OXR1: variants seen among roughly 807,000 people sequenced by gnomAD.
The protein encoded by OXR1 is oxidation resistance 1, also known as oxidation resistance protein 1.
Under a neutral mutation model 104.6 loss-of-function variants are expected in OXR1, and 41 were observed. The ratio of observed to expected loss-of-function variants is 0.39; its 90% CI spans 0.31 to 0.51. The LOEUF is 0.51. Among genes scored for constraint, OXR1 ranks in the 20% least tolerant of loss-of-function variants. The pLI, the probability that OXR1 is intolerant of heterozygous loss-of-function variation, is 0.77. For synonymous variants in OXR1, 348 were observed against 348.4 expected (o/e 1.00, Z 0.01); for missense variants, 955 against 1,031.9 (o/e 0.93, Z 1.02).
chr8:106,338,842 T>TTC (rs940086730), intron 1 of OXR1, among the ~76,000 whole-genome samples: 3 of 151,704 alleles, frequency 2.0e-5, no homozygotes, highest in East Asian at 1.9e-4. Flanking sequence ...TACCAAGAAT[T>TTC]TCTCTCTCTC....
At chr8:106,349,693 A>G (rs1042269109) in intron 1 of OXR1, among the ~76,000 whole-genome samples, 6 of 152,192 alleles carry the variant, frequency 3.9e-5, no homozygotes, top group Non-Finnish European at 8.8e-5. Context: ...AGAACAGTGA[A>G]AATTGGAGAG....
chr8:106,468,202 A>G (rs921320531), intron 2 of OXR1, among the ~76,000 whole-genome samples: 1 of 151,866 alleles, frequency 6.6e-6, no homozygotes, highest in African/African-American at 2.4e-5. Context: ...CAAGGTCTTC[A>G]CCCTCAAGGA....
rs560696277 is a variant in OXR1, at chr8:106,466,994, A to G, written c.24-51949A>G. On this transcript the variant is annotated intron_variant, in intron 2 of 16. Coordinates refer to ENST00000517566, the MANE Select transcript of OXR1 (RefSeq NM_001198533.2). Reference sequence around the variant, plus strand: ...TTTCATATTTGCATCTTTATTCCACAACACTATAAACTAAGGAGTATCCTT... The same window carrying G: ...TTTCATATTTGCATCTTTATTCCACGACACTATAAACTAAGGAGTATCCTT... 5.9e-5 allele frequency among the ~76,000 whole-genome samples: 9 copies of G among 152,054 alleles called. No homozygotes were observed. The East Asian group carries it at 1.6e-3, about 26-fold the overall frequency.
intron 1 of OXR1, among the ~76,000 whole-genome samples, chr8:106,291,625 A>G (rs1457154297): frequency 6.6e-6 from 1 of 152,186 alleles, no homozygotes; most frequent in East Asian, 1.9e-4. Flanking sequence ...CATAAATTTC[A>G]TTAGTTTCAA....
At chr8:106,658,310 G>C in intron 3 of OXR1, 1 of 1,142,126 alleles carries the variant, frequency 8.8e-7, no homozygotes, top group Non-Finnish European at 1.1e-6. Flanking sequence ...GGCCGGGGCG[G>C]GCAACGTGGC....
At chr8:106,460,536 G>T (rs553909102) in intron 2 of OXR1, among the ~76,000 whole-genome samples, 2 of 152,274 alleles carry the variant, frequency 1.3e-5, no homozygotes, top group East Asian at 1.9e-4. Flanking sequence ...CAGCTCTAAT[G>T]GTGGCTAGGG....
intron 3 of OXR1, among the ~76,000 whole-genome samples, chr8:106,644,352 A>G (rs1465124638): frequency 6.6e-6 from 1 of 152,254 alleles, no homozygotes; most frequent in Non-Finnish European, 1.5e-5. Flanking sequence ...TTAATATATC[A>G]TTAAAAATGT....
chr8:106,374,511 G>A (rs1193640446), intron 2 of OXR1, among the ~76,000 whole-genome samples: 1 of 152,086 alleles, frequency 6.6e-6, no homozygotes, highest in Admixed American at 6.6e-5. Context: ...CTTTGAATGT[G>A]TTTTAATTTC....
rs140015578 is a variant in OXR1 at position 106,292,545 on chromosome 8, T to C, written c.-139+22178T>C. ...GATTGATGGCAATTGGGTTTGGTACTATCCTCGGTTTCAGGTATCCATTGG... is the reference window on the plus strand; with the variant it reads ...GATTGATGGCAATTGGGTTTGGTACCATCCTCGGTTTCAGGTATCCATTGG... On this transcript the variant is annotated intron_variant, in intron 1 of 16. Transcript: ENST00000517566. Among the ~76,000 whole-genome samples the C allele has an allele frequency of 5.4e-4, 82 of 152,348 alleles. No homozygotes were observed. In the East Asian group the frequency reaches 0.015, roughly 27 times the overall value.
At chr8:106,515,867 C>G (rs1223510533) in intron 2 of OXR1, among the ~76,000 whole-genome samples, 1 of 152,056 alleles carries the variant, frequency 6.6e-6, no homozygotes, top group Non-Finnish European at 1.5e-5. Flanking sequence ...GGTTACTACT[C>G]CTTGAAGGAC....
chr8:106,479,794 ATT>A (rs1353722407), intron 2 of OXR1, among the ~76,000 whole-genome samples: 8 of 152,060 alleles, frequency 5.3e-5, no homozygotes, highest in Non-Finnish European at 1.0e-4. Context: ...GTTCATAGTT[ATT>A]CCTAAAGTGG....
intron 3 of OXR1, among the ~76,000 whole-genome samples, chr8:106,550,279 G>A (rs1901778): frequency 0.72 from 108,777 of 152,090 alleles, 39,140 homozygotes; most frequent in African/African-American, 0.78. Context: ...CTGAAAACAC[G>A]GAGTGTACAC....
At chr8:106,549,156 C>T (rs2130391536) in intron 3 of OXR1, among the ~76,000 whole-genome samples, 1 of 152,242 alleles carries the variant, frequency 6.6e-6, no homozygotes, top group East Asian at 1.9e-4. Flanking sequence ...AAGCAATGCT[C>T]CTTGAAGCAA....
chr8:106,611,840 G>A (rs1406351458), intron 3 of OXR1, among the ~76,000 whole-genome samples: 1 of 151,968 alleles, frequency 6.6e-6, no homozygotes, highest in Non-Finnish European at 1.5e-5. Context: ...ATAAAATAAT[G>A]AATTCAGTTT....
At chr8:106,281,131 GAGGTCTGC>G (rs146035725) in intron 1 of OXR1, among the ~76,000 whole-genome samples, 2,431 of 152,244 alleles carry the variant, frequency 0.016, 34 homozygotes, top group South Asian at 0.055. Context: ...ATCCAAAGCA[GAGGTCTGC>G]AAGCCATATA....
chr8:106,603,961 G>C (rs1820166956), intron 3 of OXR1, among the ~76,000 whole-genome samples: 1 of 152,114 alleles, frequency 6.6e-6, no homozygotes, highest in African/African-American at 2.4e-5. Context: ...GCTGAGGCAG[G>C]AGACTCGCTT....
chr8:106,561,773 G>A (rs1394230461), intron 3 of OXR1, among the ~76,000 whole-genome samples: 5 of 152,214 alleles, frequency 3.3e-5, no homozygotes, highest in African/African-American at 1.2e-4. Flanking sequence ...AGCTTCCAGA[G>A]GAAGGAACAG....
chr8:106,281,984 T>C lies in OXR1; in HGVS notation c.-139+11617T>C, dbSNP rs546049401. Among the ~76,000 whole-genome samples, 44 of 152,272 alleles carry C rather than the reference T, an allele frequency of 2.9e-4. 1 individual carries two copies. The highest frequency in any genetic ancestry group is 1.0e-3 in the African/African-American group (43 of 41,554). ...TAAAATACTACTGATTTATATGCTA[T>C]ATTCTATTTTTAAAACTCAAACCCA... On this transcript the variant is annotated intron_variant, in intron 1 of 16. Transcript: ENST00000517566.
intron 3 of OXR1, among the ~76,000 whole-genome samples, chr8:106,545,335 A>C (rs1323217799): frequency 1.3e-5 from 2 of 152,224 alleles, no homozygotes; most frequent in African/African-American, 4.8e-5. Flanking sequence ...TAATGACTTA[A>C]ATAAAGTAGC....
Sources: gnomAD v4.1 joint callset for allele counts (sites outside exome capture counted in the v4.1 genomes callset) on GRCh38, gnomAD v4.1.1 for gene constraint, MANE v1.5 for transcripts, NCBI Gene and HGNC (gene_info 2026-07-23, HGNC 2026-07-21) for gene names.